LHFPL2: variants seen among roughly 807,000 people sequenced by gnomAD.
The protein encoded by LHFPL2 is LHFPL tetraspan subfamily member 2 protein.
In LHFPL2, 7 loss-of-function variants were observed where a neutral mutation model predicts 17.5. That is an observed-to-expected ratio of 0.40 (90% CI 0.23 to 0.75). The LOEUF (loss-of-function observed/expected upper bound fraction) is 0.75. LHFPL2 is among the 30% of genes least tolerant of loss of function. The probability of loss-of-function intolerance (pLI) is 0.37; values close to 1 mark genes in which losing one functional copy is unlikely to be tolerated. For synonymous variants in LHFPL2, 134 were observed against 116.2 expected (o/e 1.15, Z -0.99); for missense variants, 241 against 294.8 (o/e 0.82, Z 1.34).
In LHFPL2 at chr5:78,509,959, G is replaced by T; in HGVS notation, c.255C>A (p.Tyr85Ter). 6.2e-7 allele frequency: 1 copy of T among 1,613,882 alleles called. No individual in the cohort carries two copies. Among genetic ancestry groups the T allele is most frequent in the Non-Finnish European group, 8.5e-7 (1 of 1,180,014 alleles). Residue 85 changes from tyrosine (Y) to a stop codon, truncating the protein, a stop_gained, in exon 4 of 5, where the codon TAC (tyrosine) becomes TAA (stop). Transcript: ENST00000380345. LOFTEE classifies it high-confidence loss of function. ...HFQRDTLCGP[Y>*]AESFGEIASG... The stretch of plus-strand genomic sequence containing the variant: ...TGGCGATCTCGCCGAAGCTCTCGGC[G>T]TAGGGCCCGCACAGCGTGTCCCGCT...
intron 3 of LHFPL2, among the ~76,000 whole-genome samples, chr5:78,517,038 G>A (rs1161159706): frequency 6.6e-6 from 1 of 152,198 alleles, no homozygotes; most frequent in Non-Finnish European, 1.5e-5. Context: ...CCAGAGTTGG[G>A]CTGGTCACTC....
chr5:78,602,046 C>CA (rs58757635), intron 2 of LHFPL2, among the ~76,000 whole-genome samples: 1 of 152,024 alleles, frequency 6.6e-6, no homozygotes, highest in East Asian at 1.9e-4. Context: ...CTACTCCTCT[C>CA]AAAAAAACTC....
intron 2 of LHFPL2, among the ~76,000 whole-genome samples, chr5:78,598,828 T>C (rs981683955): frequency 2.6e-5 from 4 of 152,242 alleles, no homozygotes; most frequent in East Asian, 1.9e-4. Context: ...TATCCACTGA[T>C]TGGTCAATAA....
intron 4 of LHFPL2, among the ~76,000 whole-genome samples, chr5:78,504,924 T>G (rs1160278877): frequency 6.6e-6 from 1 of 151,590 alleles, no homozygotes; most frequent in South Asian, 2.1e-4. Context: ...CTGGAGGGAG[T>G]AGAGTGTGAG....
rs1484719413 is a variant in LHFPL2, at chr5:78,509,881, G to A, written c.333C>T (p.Leu111=). The A allele has an allele frequency of 5.0e-6, 8 of 1,613,636 alleles. No homozygotes were observed. Among genetic ancestry groups the A allele is most frequent in the Non-Finnish European group, 4.2e-6 (5 of 1,180,054 alleles). The change falls in exon 4 of 5, where the codon CTC becomes CTT. Residue 111 remains leucine (L), a synonymous_variant. Coordinates refer to ENST00000380345, the MANE Select transcript of LHFPL2 (RefSeq NM_005779.3). ...AIFLAVGIFI[L]CMVALVSVFT... Reference sequence around the variant, plus strand: ...AGACGGACACCAAGGCCACCATGCAGAGAATAAAGATTCCCACAGCCAGGA... The same window carrying A: ...AGACGGACACCAAGGCCACCATGCAAAGAATAAAGATTCCCACAGCCAGGA...
chr5:78,501,803 G>A (rs1244977441), intron 4 of LHFPL2, among the ~76,000 whole-genome samples: 1 of 152,088 alleles, frequency 6.6e-6, no homozygotes, highest in Non-Finnish European at 1.5e-5. Flanking sequence ...TTAGCTCCAG[G>A]GGCCAGATCA....
Position 78,541,460 on chromosome 5 carries a change from C to T in LHFPL2, c.-186+23353G>A, listed in dbSNP as rs189155475. The stretch of plus-strand genomic sequence containing the variant: ...AGATTACAGAGTTCATATTTCAAAC[C>T]GCACAGCCCACTTGCTAAAGCCGTT... On this transcript the variant is annotated intron_variant, in intron 3 of 4. Coordinates refer to ENST00000380345, the MANE Select transcript of LHFPL2 (RefSeq NM_005779.3). Among the ~76,000 whole-genome samples, 389 of 152,274 alleles carry T rather than the reference C, an allele frequency of 2.6e-3. 4 individuals are homozygous for T. The highest frequency in any genetic ancestry group is 7.9e-3 in the African/African-American group (327 of 41,540).
intron 2 of LHFPL2, among the ~76,000 whole-genome samples, chr5:78,628,898 A>G (rs1396562475): frequency 3.9e-5 from 6 of 152,240 alleles, no homozygotes; most frequent in Non-Finnish European, 8.8e-5. Context: ...GTCAGGAAAG[A>G]TAAGCATCAA....
chr5:78,628,502 C>T (rs1745136586), intron 2 of LHFPL2, among the ~76,000 whole-genome samples: 1 of 152,150 alleles, frequency 6.6e-6, no homozygotes, highest in African/African-American at 2.4e-5. Context: ...CAGATGTTTC[C>T]CCACCCCTCC....
Position 78,486,870 on chromosome 5 carries a change from C to G in LHFPL2, c.*2027G>C, listed in dbSNP as rs1177831765. 2.0e-5 allele frequency: 3 copies of G among 152,258 alleles called. No individual in the cohort carries two copies. The highest frequency in any genetic ancestry group is 1.9e-4 in the East Asian group (1 of 5,184). 9.4% of individuals were successfully genotyped at this position (152,258 alleles called of 1,614,324 possible). A position where few individuals can be genotyped will look rare whatever the true frequency, so the allele number is the denominator to read the frequency against. ...AACCTAGTGTCAGAAAATGGTTTCT[C>G]TATCCAAGAAAGAAAGAAAAGTGAG... On this transcript the variant is annotated 3_prime_UTR_variant, in exon 5 of 5. Transcript: ENST00000380345.
intron 2 of LHFPL2, among the ~76,000 whole-genome samples, chr5:78,580,312 G>A (rs1040246458): frequency 1.3e-5 from 2 of 152,094 alleles, no homozygotes; most frequent in Non-Finnish European, 2.9e-5. Context: ...TCACACTGAT[G>A]GTAATTTCTT....
intron 3 of LHFPL2, among the ~76,000 whole-genome samples, chr5:78,526,774 A>C (rs561515369): frequency 6.6e-6 from 1 of 152,282 alleles, no homozygotes; most frequent in East Asian, 1.9e-4. Flanking sequence ...CACTTCAAAA[A>C]CCAAATGAAG....
intron 4 of LHFPL2, among the ~76,000 whole-genome samples, chr5:78,496,882 TCTTC>T (rs979191732): frequency 1.3e-5 from 2 of 152,178 alleles, no homozygotes; most frequent in Non-Finnish European, 2.9e-5. Flanking sequence ...TCCTTGGTCC[TCTTC>T]CCTATCTATA....
intron 2 of LHFPL2, among the ~76,000 whole-genome samples, chr5:78,579,141 A>C (rs758939895): frequency 5.3e-5 from 8 of 152,176 alleles, no homozygotes; most frequent in Admixed American, 2.6e-4. Flanking sequence ...CCTTAAGCAA[A>C]GCAAAACACC....
chr5:78,601,081 C>T (rs993451941), intron 2 of LHFPL2, among the ~76,000 whole-genome samples: 1 of 152,178 alleles, frequency 6.6e-6, no homozygotes. Flanking sequence ...CCTGGGGGTA[C>T]TCAAGTCCAA....
intron 2 of LHFPL2, among the ~76,000 whole-genome samples, chr5:78,607,580 G>T (rs1398684003): frequency 6.6e-6 from 1 of 152,052 alleles, no homozygotes; most frequent in Non-Finnish European, 1.5e-5. Context: ...CATCCAGTTG[G>T]TTCCACCTCT....
chr5:78,542,070 C>T (rs1756129701), intron 3 of LHFPL2, among the ~76,000 whole-genome samples: 1 of 151,804 alleles, frequency 6.6e-6, no homozygotes, highest in African/African-American at 2.4e-5. Context: ...AATTTAATAG[C>T]TCTGCGACCC....
At chr5:78,576,483 TCC>T (rs1270025605) in intron 2 of LHFPL2, among the ~76,000 whole-genome samples, 1 of 152,004 alleles carries the variant, frequency 6.6e-6, no homozygotes, top group Admixed American at 6.6e-5. Flanking sequence ...AAACAAGTCC[TCC>T]CCACAGGTGC....
chr5:78,502,571 A>G (rs553524943), intron 4 of LHFPL2, among the ~76,000 whole-genome samples: 2 of 152,376 alleles, frequency 1.3e-5, no homozygotes, highest in Admixed American at 6.5e-5. Context: ...TAAGTTATTC[A>G]TCAGACAGGC....
Sources: allele counts gnomAD v4.1 joint callset (sites outside exome capture counted in the v4.1 genomes callset), GRCh38; gene constraint gnomAD v4.1.1; transcripts MANE v1.5; gene names NCBI Gene and HGNC (gene_info 2026-07-23, HGNC 2026-07-21).